The following HS6ST2 variants were observed in gnomAD, a reference collection of about 807,000 sequenced individuals.
The protein encoded by HS6ST2 is heparan-sulfate 6-O-sulfotransferase 2.
A neutral mutation model predicts 33.0 loss-of-function variants in HS6ST2; 17 were observed. The ratio of observed to expected loss-of-function variants is 0.52; its 90% CI spans 0.35 to 0.77. The LOEUF (loss-of-function observed/expected upper bound fraction) is 0.77, where lower values mean the gene tolerates loss of function less well. Ranked by LOEUF, HS6ST2 falls within the 30% of genes least tolerant of loss-of-function variation. The pLI is 0.01. For missense variants in HS6ST2, 519 were observed against 551.7 expected, an observed-to-expected ratio of 0.94 and a Z score of 0.59; for synonymous variants, 248 against 237.1, an observed-to-expected ratio of 1.05 and a Z score of -0.42.
At chrX:132,664,303 C>T (rs1316365267) in intron 4 of HS6ST2, among the ~76,000 whole-genome samples, 1 of 112,238 alleles carries the variant, frequency 8.9e-6, no homozygotes, top group Non-Finnish European at 1.9e-5. Context: ...GCCACCACGC[C>T]CAGCCTTCAC....
chrX:132,945,964 C>T (rs771723208), intron 2 of HS6ST2, among the ~76,000 whole-genome samples: 1 of 110,754 alleles, frequency 9.0e-6, no homozygotes, highest in Non-Finnish European at 1.9e-5. Flanking sequence ...CAAACCTGCA[C>T]GTTGTGCACA....
At chrX:132,909,947 C>T (rs1019555024) in intron 2 of HS6ST2, among the ~76,000 whole-genome samples, 1 of 111,090 alleles carries the variant, frequency 9.0e-6, no homozygotes, top group Non-Finnish European at 1.9e-5. Flanking sequence ...CAAGAATGAT[C>T]ATCACTTAAA....
At chrX:132,934,716 A>C (rs2066806961) in intron 2 of HS6ST2, among the ~76,000 whole-genome samples, 1 of 111,782 alleles carries the variant, frequency 8.9e-6, no homozygotes, top group Non-Finnish European at 1.9e-5. Context: ...AGGGGAACAA[A>C]AAAGACATGA....
chrX:132,701,233 A>C (rs140484227), intron 3 of HS6ST2, among the ~76,000 whole-genome samples: 2 of 112,048 alleles, frequency 1.8e-5, no homozygotes, highest in African/African-American at 6.5e-5. Context: ...TTTCAATTAA[A>C]ATCATACAAG....
chrX:132,918,575 G>A (rs2066618933), intron 2 of HS6ST2, among the ~76,000 whole-genome samples: 1 of 111,826 alleles, frequency 8.9e-6, no homozygotes, highest in South Asian at 3.8e-4. Flanking sequence ...TACCCCTTCA[G>A]AAAGCCTTCA....
intron 4 of HS6ST2, among the ~76,000 whole-genome samples, chrX:132,631,162 G>A (rs1176386336): frequency 1.8e-5 from 2 of 111,718 alleles, no homozygotes; most frequent in South Asian, 3.8e-4. Flanking sequence ...CTATCCTGGG[G>A]AAGAGGAAGG....
chrX:132,914,274 T>C (rs1001078439), intron 2 of HS6ST2, among the ~76,000 whole-genome samples: 3 of 112,287 alleles, frequency 2.7e-5, no homozygotes, highest in African/African-American at 9.7e-5. Context: ...ATCATTTTAT[T>C]AAACCCACAT....
chrX:132,741,554 T>A (rs974728783), intron 2 of HS6ST2, among the ~76,000 whole-genome samples: 1 of 110,970 alleles, frequency 9.0e-6, no homozygotes. Flanking sequence ...AGTGCTGGGA[T>A]TACAGGCATG....
At chrX:132,829,177 C>CATATATATATATAT (rs71855456) in intron 2 of HS6ST2, among the ~76,000 whole-genome samples, 4 of 63,668 alleles carry the variant, frequency 6.3e-5, no homozygotes, top group East Asian at 3.9e-4. Flanking sequence ...AGGTAAGGAA[C>CATATATATATATAT]ATATATATAT....
chrX:132,945,331 C>T (rs1404896461), intron 2 of HS6ST2, among the ~76,000 whole-genome samples: 13 of 111,413 alleles, frequency 1.2e-4, no homozygotes, highest in African/African-American at 3.3e-4. Context: ...GTTAGAATGG[C>T]GATCATTAAA....
At chrX:132,817,204 C>A (rs2065403104) in intron 2 of HS6ST2, among the ~76,000 whole-genome samples, 1 of 111,489 alleles carries the variant, frequency 9.0e-6, no homozygotes, top group African/African-American at 3.3e-5. Context: ...ATAAGCTTGG[C>A]ATACCTTGTA....
At chrX:132,959,135 G>A (rs957962898), upstream of HS6ST2, among the ~76,000 whole-genome samples, 44 of 111,480 alleles carry the variant, frequency 3.9e-4, no homozygotes, top group African/African-American at 1.4e-3. Context: ...TGTGCCCAAG[G>A]TCACACAGCA....
intron 4 of HS6ST2, among the ~76,000 whole-genome samples, chrX:132,637,875 A>AT (rs2063569367): frequency 2.7e-5 from 1 of 37,033 alleles, no homozygotes; most frequent in Non-Finnish European, 3.9e-5. Flanking sequence ...TATTATATAT[A>AT]ATATATATAT....
chrX:132,918,816 A>G (rs1423803511), intron 2 of HS6ST2, among the ~76,000 whole-genome samples: 1 of 112,017 alleles, frequency 8.9e-6, no homozygotes, highest in East Asian at 2.8e-4. Context: ...AAGGCAAGAA[A>G]GCCCTGCTAA....
At chrX:132,788,641 G>A (rs1309769031) in intron 2 of HS6ST2, among the ~76,000 whole-genome samples, 2 of 112,664 alleles carry the variant, frequency 1.8e-5, no homozygotes, top group African/African-American at 6.4e-5. Context: ...CTGAAAACTA[G>A]GCCTCTTGGT....
chrX:132,875,630 T>C (rs140856175), intron 2 of HS6ST2, among the ~76,000 whole-genome samples: 1 of 112,498 alleles, frequency 8.9e-6, no homozygotes, highest in East Asian at 2.8e-4. Context: ...CAGATCTTTC[T>C]GGAAAGCTCC....
In HS6ST2 at chrX:132,809,460, T is replaced by C. The variant is rs1293281255; in HGVS notation, c.948-100966A>G. Among the ~76,000 whole-genome samples, 3 of 112,159 alleles carry C rather than the reference T, an allele frequency of 2.7e-5. No individual in the cohort carries two copies. In the East Asian group the frequency reaches 8.4e-4, roughly 31 times the overall value. On this transcript the variant is annotated intron_variant, in intron 2 of 4. Transcript: ENST00000370833. ...TACGTTTTGAGTACTGACAATGTGG[T>C]TGGCACTGTGGTTCGTATCAGGAAT...
intron 2 of HS6ST2, among the ~76,000 whole-genome samples, chrX:132,864,869 G>A (rs760666425): frequency 3.6e-5 from 4 of 111,429 alleles, no homozygotes; most frequent in East Asian, 2.8e-4. Flanking sequence ...GAAAGGTCGC[G>A]TTACCCATCA....
intron 2 of HS6ST2, among the ~76,000 whole-genome samples, chrX:132,868,228 A>C (rs1400862112): frequency 8.9e-6 from 1 of 112,368 alleles, no homozygotes; most frequent in Admixed American, 9.4e-5. Context: ...CAACAAGAAG[A>C]GCTAACTATC....
Sources: gnomAD v4.1 joint callset for allele counts (sites outside exome capture counted in the v4.1 genomes callset) on GRCh38, gnomAD v4.1.1 for gene constraint, MANE v1.5 for transcripts, NCBI Gene and HGNC (gene_info 2026-07-23, HGNC 2026-07-21) for gene names.